The following ANKS6 variants were observed in gnomAD, a reference collection of about 807,000 sequenced individuals.
ANKS6 encodes the protein ankyrin repeat and sterile alpha motif domain containing 6.
ANKS6 carries 47 observed loss-of-function variants against 77.9 expected under a neutral mutation model. That is an observed-to-expected ratio of 0.60 (90% confidence interval 0.48 to 0.77). The LOEUF is 0.77. Ranked by LOEUF, ANKS6 falls within the 30% of genes least tolerant of loss-of-function variation. The pLI, the probability that ANKS6 is intolerant of heterozygous loss-of-function variation, is 0.00. For missense variants in ANKS6, 1,150 were observed against 1,159.1 expected, an observed-to-expected ratio of 0.99 and a Z score of 0.11; for synonymous variants, 488 against 501.7, an observed-to-expected ratio of 0.97 and a Z score of 0.37.
At chr9:98,754,598 C>T (rs1804798552) in intron 12 of ANKS6, among the ~76,000 whole-genome samples, 2 of 151,554 alleles carry the variant, frequency 1.3e-5, no homozygotes, top group Admixed American at 6.6e-5. Flanking sequence ...GCCGAGATCG[C>T]GCCACTGCAC....
chr9:98,773,969 T>C lies in ANKS6; in HGVS notation c.1729A>G (p.Thr577Ala), dbSNP rs778849406. Residue 577 changes from threonine to alanine, a missense_variant, in exon 9 of 15, where the codon ACG (threonine) becomes GCG (alanine). Transcript: ENST00000353234. ...GGGTCTGCCTTCCCGTTGTGACGCG[T>C]CCGGGACCGATCAGAGCTCCACAGC... ...FELWSSDRSR[T>A]RHNGKADPMK... 5.0e-6 allele frequency: 8 copies of C among 1,586,348 alleles called. No homozygotes were observed. The African/African-American group carries it at 1.1e-4, about 22-fold the overall frequency.
At chr9:98,748,784 T>C (rs1324195961) in intron 13 of ANKS6, among the ~76,000 whole-genome samples, 1 of 152,210 alleles carries the variant, frequency 6.6e-6, no homozygotes, top group Admixed American at 6.5e-5. Context: ...TTGGTATTTT[T>C]CAAATACACA....
Position 98,735,763 on chromosome 9 carries a change from T to A in ANKS6, c.*756A>T. 8 of 1,231,756 alleles carry A rather than the reference T, an allele frequency of 6.5e-6. No individual in the cohort carries two copies. The highest frequency in any genetic ancestry group is 8.1e-6 in the Non-Finnish European group (8 of 987,982). 76.3% of individuals were successfully genotyped at this position (1,231,756 alleles called of 1,614,324 possible). A position where few individuals can be genotyped will look rare whatever the true frequency, so the allele number is the denominator to read the frequency against. On this transcript the variant is annotated 3_prime_UTR_variant, in exon 15 of 15. Transcript: ENST00000353234. ...GCAGGCCTCCACTTCTTTCCTTCTA[T>A]AATAGACTCTCTTTGCAATAAAGAA... is the stretch of plus-strand genomic sequence containing the variant.
At chr9:98,774,367 G>C (rs1833808727) in intron 8 of ANKS6, among the ~76,000 whole-genome samples, 1 of 152,218 alleles carries the variant, frequency 6.6e-6, no homozygotes, top group Non-Finnish European at 1.5e-5. Context: ...TTGGTGTGCT[G>C]TGGGGGAGGC....
intron 10 of ANKS6, among the ~76,000 whole-genome samples, chr9:98,770,601 T>A (rs925232869): frequency 1.3e-5 from 2 of 152,028 alleles, no homozygotes; most frequent in African/African-American, 4.8e-5. Context: ...CTTCAGAGAT[T>A]TTAAACACCA....
intron 13 of ANKS6, 135 bp downstream of exon 13, chr9:98,750,894 A>G (rs1452984344): frequency 2.9e-6 from 2 of 694,996 alleles, no homozygotes; most frequent in African/African-American, 3.6e-5. Context: ...TAATCCCGCT[A>G]AGCACGAATT....
At chr9:98,774,645 T>C (rs1833829214) in intron 8 of ANKS6, among the ~76,000 whole-genome samples, 1 of 152,196 alleles carries the variant, frequency 6.6e-6, no homozygotes, top group Non-Finnish European at 1.5e-5. Context: ...AGCACCACTC[T>C]CTTCCCCAGC....
chr9:98,780,204 G>C lies in ANKS6; in HGVS notation c.1353C>G (p.Asp451Glu), dbSNP rs770030169. The change falls in exon 6 of 15, where the codon GAC (aspartate) becomes GAG (glutamate). Residue 451 changes from aspartate to glutamate, a missense_variant. Asp to Glu is a conservative substitution (Grantham distance 45). Transcript: ENST00000353234. ...QPWSIPVLPD[D>E]KGGLKSWWNR... ...AAAGGCAAACCTTCAGTCCACCCTTGTCATCGGGCAGCACTGGGATGCTCC... is the reference window on the plus strand; with the variant it reads ...AAAGGCAAACCTTCAGTCCACCCTTCTCATCGGGCAGCACTGGGATGCTCC... 7 of 1,614,008 alleles carry C rather than the reference G, an allele frequency of 4.3e-6. No homozygotes were observed. The highest frequency in any genetic ancestry group is 5.9e-6 in the Non-Finnish European group (7 of 1,180,024).
In ANKS6 at chr9:98,735,302, C is replaced by T. The variant is rs779865176; in HGVS notation, c.*1217G>A. 56 of 1,000,992 alleles carry T rather than the reference C, an allele frequency of 5.6e-5. No individual in the cohort carries two copies. Among genetic ancestry groups the T allele is most frequent in the Non-Finnish European group, 6.3e-5 (53 of 840,726 alleles). The allele number at this position is 1,000,992 out of a possible 1,614,324, so 62.0% of individuals were successfully genotyped here. On this transcript the variant is annotated 3_prime_UTR_variant, in exon 15 of 15. Transcript: ENST00000353234. ...CATCTATTTACAGGTGTTCTCTTGC[C>T]TGTCGAGAGCCTGAAGGCTCTGTAT...
chr9:98,733,478 TC>T lies in ANKS6; in HGVS notation c.*3040del. ...TCAAAGCAGGACCGGTCCCCTGATGTCCCACTGCCAAGCAGGCCACCTCTGC... is the reference window on the plus strand; with the variant it reads ...TCAAAGCAGGACCGGTCCCCTGATGTCCACTGCCAAGCAGGCCACCTCTGC... On this transcript the variant is annotated 3_prime_UTR_variant, in exon 15 of 15. Coordinates refer to ENST00000353234, the MANE Select transcript of ANKS6 (RefSeq NM_173551.5). 1 of 985,476 alleles carries T rather than the reference TC, an allele frequency of 1.0e-6. No homozygotes were observed. Among genetic ancestry groups the T allele is most frequent in the South Asian group, 4.7e-5 (1 of 21,282 alleles). The allele number at this position is 985,476 out of a possible 1,614,324, so 61.0% of individuals were successfully genotyped here. A position where few individuals can be genotyped will look rare whatever the true frequency, so the allele number is the denominator to read the frequency against.
rs565730859 is a variant in ANKS6 at position 98,773,922 on chromosome 9, C to T, written c.1776G>A (p.Gln592=). The T allele has an allele frequency of 1.9e-6, 3 of 1,593,666 alleles. No homozygotes were observed. In the East Asian group the frequency reaches 6.9e-5, roughly 37 times the overall value. ...CCACGGGGTGGCCCCTGCTGGCTCT[C>T]TGGGGCAGCGCAGTCTTCATGGGGT... The part of the protein sequence containing the change: ...KADPMKTALP[Q]RASRGHPVGG... The change falls in exon 9 of 15, where the codon CAG becomes CAA. Residue 592 remains glutamine (Q), a synonymous_variant. Coordinates refer to ENST00000353234, the MANE Select transcript of ANKS6 (RefSeq NM_173551.5).
In ANKS6 at chr9:98,791,813, G is replaced by A. The variant is rs1315442852; in HGVS notation, c.360-1207C>T. Among the ~76,000 whole-genome samples the A allele has an allele frequency of 2.0e-5, 3 of 152,074 alleles. No homozygotes were observed. The highest frequency in any genetic ancestry group is 2.9e-5 in the Non-Finnish European group (2 of 68,012). On this transcript the variant is annotated intron_variant, in intron 1 of 14. Transcript: ENST00000353234. This position sits in a 1 kb window ranked among gnomAD's most constrained non-coding sequence, Gnocchi z 4.3. ...AGGGCTGAACTCTGTCTGAGGCTCCGGCTGAATACCTTCTGGGATGTGAAC... is the reference window on the plus strand; with the variant it reads ...AGGGCTGAACTCTGTCTGAGGCTCCAGCTGAATACCTTCTGGGATGTGAAC...
In ANKS6 at chr9:98,736,135, G is replaced by A; in HGVS notation, c.*384C>T. On this transcript the variant is annotated 3_prime_UTR_variant, in exon 15 of 15. Coordinates refer to ENST00000353234, the MANE Select transcript of ANKS6 (RefSeq NM_173551.5). ...ACGTGAGCAGGAGTGATGTGTGTCA[G>A]TTAAGAGCAAGGCAGGTAAGAAGCA... The A allele has an allele frequency of 1.7e-6, 2 of 1,151,324 alleles. No individual in the cohort carries two copies. Among genetic ancestry groups the A allele is most frequent in the Non-Finnish European group, 2.1e-6 (2 of 934,664 alleles). The allele number at this position is 1,151,324 out of a possible 1,614,324, so 71.3% of individuals were successfully genotyped here. A position where few individuals can be genotyped will look rare whatever the true frequency, so the allele number is the denominator to read the frequency against.
chr9:98,792,786 T>C (rs1423614040), intron 1 of ANKS6, among the ~76,000 whole-genome samples: 1 of 151,984 alleles, frequency 6.6e-6, no homozygotes, highest in Non-Finnish European at 1.5e-5. Context: ...CGTGATAGAG[T>C]CAAAAGTTGC....
intron 11 of ANKS6, among the ~76,000 whole-genome samples, chr9:98,760,656 T>G (rs1175298327): frequency 6.6e-6 from 1 of 152,190 alleles, no homozygotes; most frequent in Admixed American, 6.5e-5. Flanking sequence ...ATTTGTAGAT[T>G]TTTGGGTCTG....
intron 11 of ANKS6, among the ~76,000 whole-genome samples, chr9:98,759,962 A>T (rs1832922175): frequency 6.6e-6 from 1 of 152,188 alleles, no homozygotes; most frequent in South Asian, 2.1e-4. Context: ...AGTTTCAAAA[A>T]GCTAGAAGGA....
Position 98,732,705 on chromosome 9 carries a change from C to G in ANKS6, c.*3814G>C. 1 of 1,449,130 alleles carries G rather than the reference C, an allele frequency of 6.9e-7. No individual in the cohort carries two copies. Among genetic ancestry groups the G allele is most frequent in the Non-Finnish European group, 9.0e-7 (1 of 1,106,044 alleles). 89.8% of individuals were successfully genotyped at this position (1,449,130 alleles called of 1,614,324 possible). A position where few individuals can be genotyped will look rare whatever the true frequency, so the allele number is the denominator to read the frequency against. ...ACATGATCCCTGGGGGCTACTATCC[C>G]CCTGTAACCAAAAGGGAAACTGGGA... is the stretch of plus-strand genomic sequence containing the variant. On this transcript the variant is annotated 3_prime_UTR_variant, in exon 15 of 15. Coordinates refer to ENST00000353234, the MANE Select transcript of ANKS6 (RefSeq NM_173551.5).
At chr9:98,759,387 A>T (rs1330841296) in intron 11 of ANKS6, among the ~76,000 whole-genome samples, 1 of 152,262 alleles carries the variant, frequency 6.6e-6, no homozygotes, top group African/African-American at 2.4e-5. Context: ...TCAGTTCTGC[A>T]GTGGACACCA....
intron 11 of ANKS6, among the ~76,000 whole-genome samples, chr9:98,759,517 G>C (rs1017762742): frequency 2.0e-5 from 3 of 152,212 alleles, no homozygotes; most frequent in East Asian, 3.8e-4. Flanking sequence ...GAAAGCCCCA[G>C]ATTGTTTTAC....
Sources: allele counts gnomAD v4.1 joint callset (sites outside exome capture counted in the v4.1 genomes callset), GRCh38; gene constraint gnomAD v4.1.1; non-coding constraint Gnocchi (gnomAD v3.1); transcripts MANE v1.5; gene names NCBI Gene and HGNC (gene_info 2026-07-23, HGNC 2026-07-21).